Variants in ENTREP2 observed in about 807,000 individuals in gnomAD.
ENTREP2 encodes the protein protein ENTREP2.
chr15:29,247,152 CAT>C, the ENTREP2 span, among the ~76,000 whole-genome samples: 18 of 152,136 alleles, frequency 1.2e-4, no homozygotes, highest in Non-Finnish European at 2.4e-4. Context: ...ACCACACAAA[CAT>C]ATGGAAATGT....
At chr15:29,207,103 C>T in the ENTREP2 span, among the ~76,000 whole-genome samples, 14 of 152,146 alleles carry the variant, frequency 9.2e-5, no homozygotes, top group African/African-American at 3.4e-4. Flanking sequence ...CCCTCCAGCT[C>T]TTCCTTACTC....
At chr15:29,270,911 T>C in the ENTREP2 span, among the ~76,000 whole-genome samples, 6 of 152,232 alleles carry the variant, frequency 3.9e-5, no homozygotes, top group African/African-American at 1.4e-4. Context: ...AAGAACCAAA[T>C]TGAGTTCCTC....
chr15:29,351,814 A>T, the ENTREP2 span, among the ~76,000 whole-genome samples: 2 of 146,518 alleles, frequency 1.4e-5, no homozygotes, highest in East Asian at 4.0e-4. Context: ...CAGCTTTTTT[A>T]TTTTTTTTTT....
At chr15:29,594,105 A>T in the ENTREP2 span, among the ~76,000 whole-genome samples, 2 of 152,038 alleles carry the variant, frequency 1.3e-5, no homozygotes, top group African/African-American at 4.8e-5. Context: ...AAAAGGTTTA[A>T]AAAAAAAGGA....
At chr15:29,212,310 G>A in the ENTREP2 span, among the ~76,000 whole-genome samples, 2 of 152,064 alleles carry the variant, frequency 1.3e-5, no homozygotes, top group African/African-American at 2.4e-5. Flanking sequence ...TTTCAGTGGT[G>A]TCAGTTGTAA....
At chr15:29,335,805 C>G in the ENTREP2 span, among the ~76,000 whole-genome samples, 5 of 152,298 alleles carry the variant, frequency 3.3e-5, 1 homozygote, top group East Asian at 9.7e-4. Context: ...GTTGTCTGTA[C>G]AGACTTCAAA....
At chr15:29,243,158 T>C in the ENTREP2 span, among the ~76,000 whole-genome samples, 1 of 152,186 alleles carries the variant, frequency 6.6e-6, no homozygotes, top group Admixed American at 6.5e-5. Flanking sequence ...GACACACAAA[T>C]ATGTGAATAC....
the ENTREP2 span, among the ~76,000 whole-genome samples, chr15:29,170,141 T>C: frequency 2.0e-5 from 3 of 151,752 alleles, 1 homozygote; most frequent in Middle Eastern, 6.8e-3. Context: ...CCCCCATCTC[T>C]ACTAAAAATA....
At chr15:29,558,242 A>C in the ENTREP2 span, among the ~76,000 whole-genome samples, 2 of 152,078 alleles carry the variant, frequency 1.3e-5, no homozygotes, top group Non-Finnish European at 2.9e-5. Flanking sequence ...TCATCATGTG[A>C]ACACTGCCCA....
chr15:29,648,959 A>G, the ENTREP2 span, among the ~76,000 whole-genome samples: 17 of 152,032 alleles, frequency 1.1e-4, no homozygotes, highest in Admixed American at 2.6e-4. Flanking sequence ...AACAACAAAA[A>G]AAACTGTACT....
At chr15:29,158,183 C>CA in the ENTREP2 span, among the ~76,000 whole-genome samples, 1 of 152,186 alleles carries the variant, frequency 6.6e-6, no homozygotes, top group Non-Finnish European at 1.5e-5. Flanking sequence ...TGAAACTACT[C>CA]ACAGACAGAA....
chr15:29,491,343 G>A, the ENTREP2 span, among the ~76,000 whole-genome samples: 1 of 152,308 alleles, frequency 6.6e-6, no homozygotes, highest in Non-Finnish European at 1.5e-5. Flanking sequence ...GGGGCTGAAG[G>A]GCTCCTCAAG....
chr15:29,561,743 G>A, the ENTREP2 span, among the ~76,000 whole-genome samples: 9 of 151,648 alleles, frequency 5.9e-5, no homozygotes, highest in African/African-American at 1.7e-4. Context: ...TACAAGGAAC[G>A]GAAATATAAA....
chr15:29,426,150 C>T, the ENTREP2 span, among the ~76,000 whole-genome samples: 1 of 151,972 alleles, frequency 6.6e-6, no homozygotes, highest in Non-Finnish European at 1.5e-5. Flanking sequence ...CAAGTCATTT[C>T]CTTTATTCAG....
chr15:29,409,809 A>G, the ENTREP2 span, among the ~76,000 whole-genome samples: 1 of 152,034 alleles, frequency 6.6e-6, no homozygotes, highest in Non-Finnish European at 1.5e-5. Context: ...TTCCAGTTAT[A>G]ACTAGTTTCA....
chr15:29,264,154 C>CAAAAAAAAGAAAAAAA, the ENTREP2 span, among the ~76,000 whole-genome samples: 1 of 69,064 alleles, frequency 1.4e-5, no homozygotes, highest in African/African-American at 7.2e-5. Flanking sequence ...GACTCCGTCT[C>CAAAAAAAAGAAAAAAA]AAAAAAAAAA....
At chr15:29,582,098 T>G in the ENTREP2 span, among the ~76,000 whole-genome samples, 3 of 152,034 alleles carry the variant, frequency 2.0e-5, no homozygotes, top group African/African-American at 4.8e-5. Flanking sequence ...TGCACCACCA[T>G]GCCCGGCTAA....
chr15:29,345,898 C>A, the ENTREP2 span, among the ~76,000 whole-genome samples: 1 of 152,272 alleles, frequency 6.6e-6, no homozygotes. Flanking sequence ...ATGATCGCAG[C>A]GGACATTTAT....
the ENTREP2 span, chr15:29,610,031 G>T: frequency 2.7e-5 from 4 of 150,524 alleles, no homozygotes; most frequent in Non-Finnish European, 4.4e-5. Context: ...CATTCCTGCA[G>T]TTAGCAATCA....
Sources: gnomAD v4.1 joint callset for allele counts (sites outside exome capture counted in the v4.1 genomes callset) on GRCh38, gnomAD v4.1.1 for gene constraint, MANE v1.5 for transcripts, NCBI Gene and HGNC (gene_info 2026-07-23, HGNC 2026-07-21) for gene names.